Variants in KIAA0513 observed in about 807,000 individuals in gnomAD.
KIAA0513 encodes the protein KIAA0513.
A neutral mutation model predicts 56.5 loss-of-function variants in KIAA0513; 39 were observed. The observed-to-expected ratio is 0.69, with a 90% CI of 0.53 to 0.90. The LOEUF (loss-of-function observed/expected upper bound fraction) is 0.90, where lower values mean the gene tolerates loss of function less well. Ranked by LOEUF, KIAA0513 falls within the 40% of genes least tolerant of loss-of-function variation. The probability of loss-of-function intolerance (pLI) is 0.00; values close to 1 mark genes in which losing one functional copy is unlikely to be tolerated. For synonymous variants in KIAA0513, 268 were observed against 215.6 expected, an observed-to-expected ratio of 1.24 and a Z score of -2.13; for missense variants, 591 against 535.2, an observed-to-expected ratio of 1.10 and a Z score of -1.03.
At chr16:85,078,169 GCCT>G (rs1021169041) in intron 6 of KIAA0513, among the ~76,000 whole-genome samples, 2 of 152,166 alleles carry the variant, frequency 1.3e-5, no homozygotes, top group African/African-American at 4.8e-5. Flanking sequence ...GGGTGCCTTG[GCCT>G]CCTCCTCTAC....
At chr16:85,087,319 C>T (rs1051987358) in intron 12 of KIAA0513, among the ~76,000 whole-genome samples, 153 bp downstream of exon 12, 2 of 152,214 alleles carry the variant, frequency 1.3e-5, no homozygotes, top group African/African-American at 4.8e-5. Flanking sequence ...CCTCCTTTCT[C>T]CCCAGTCTGT....
At chr16:85,060,327 C>T (rs1348195046) in intron 1 of KIAA0513, among the ~76,000 whole-genome samples, 1 of 152,128 alleles carries the variant, frequency 6.6e-6, no homozygotes, top group Non-Finnish European at 1.5e-5. Flanking sequence ...CTTGTTTGGG[C>T]TGCCAGGGAG....
chr16:85,067,675 G>A (rs1001142411), intron 2 of KIAA0513, among the ~76,000 whole-genome samples: 4 of 152,208 alleles, frequency 2.6e-5, no homozygotes, highest in African/African-American at 9.7e-5. Context: ...AAGTATGTGC[G>A]GCTCCCAGGT....
At chr16:85,033,785 C>T (rs1189539180) in intron 1 of KIAA0513, among the ~76,000 whole-genome samples, 1 of 152,132 alleles carries the variant, frequency 6.6e-6, no homozygotes, top group Non-Finnish European at 1.5e-5. Flanking sequence ...CTCAATATGC[C>T]CGTCTTTATT....
chr16:85,072,102 C>T (rs1365676008), intron 3 of KIAA0513, among the ~76,000 whole-genome samples: 1 of 152,122 alleles, frequency 6.6e-6, no homozygotes, highest in African/African-American at 2.4e-5. Flanking sequence ...CCTGTAATCC[C>T]AGCAGTTTGG....
intron 1 of KIAA0513, among the ~76,000 whole-genome samples, chr16:85,060,418 G>T (rs951899261): frequency 6.6e-6 from 1 of 152,194 alleles, no homozygotes; most frequent in African/African-American, 2.4e-5. Context: ...GTGTCTCGGG[G>T]TCCCGGTGCC....
At chr16:85,056,469 C>A (rs2073330887) in intron 1 of KIAA0513, among the ~76,000 whole-genome samples, 1 of 152,184 alleles carries the variant, frequency 6.6e-6, no homozygotes, top group Non-Finnish European at 1.5e-5. Flanking sequence ...ACAGCCCACC[C>A]CACGGGAAAT....
At chr16:85,083,025 C>A (rs1163827118) in intron 10 of KIAA0513, among the ~76,000 whole-genome samples, 3 of 152,234 alleles carry the variant, frequency 2.0e-5, no homozygotes, top group Non-Finnish European at 4.4e-5. Flanking sequence ...AGAAGTGGGT[C>A]CCGGCTCATC....
At chr16:85,084,098 G>T (rs563658779) in intron 10 of KIAA0513, among the ~76,000 whole-genome samples, 2 of 119,418 alleles carry the variant, frequency 1.7e-5, no homozygotes, top group Non-Finnish European at 3.2e-5. Flanking sequence ...GTCTCGCTCT[G>T]TTGCCCAGGC....
intron 1 of KIAA0513, among the ~76,000 whole-genome samples, chr16:85,051,618 C>A (rs1034191996): frequency 6.6e-6 from 1 of 152,180 alleles, no homozygotes; most frequent in Non-Finnish European, 1.5e-5. Flanking sequence ...ATACTCTCTA[C>A]TTCCTCTCAC....
chr16:85,065,160 C>T (rs533211868), intron 1 of KIAA0513, among the ~76,000 whole-genome samples: 14 of 152,268 alleles, frequency 9.2e-5, no homozygotes, highest in African/African-American at 3.4e-4. Context: ...TAATGCCGGG[C>T]ATGTTACTGT....
intron 2 of KIAA0513, 137 bp downstream of exon 2, chr16:85,067,537 C>T (rs540383389): frequency 2.1e-5 from 14 of 681,716 alleles, no homozygotes; most frequent in African/African-American, 1.3e-4. Flanking sequence ...CCAGGGGTGG[C>T]GACTGCAGGG....
chr16:85,073,137 C>T, intron 4 of KIAA0513, 139 bp downstream of exon 4: 1 of 753,588 alleles, frequency 1.3e-6, no homozygotes, highest in Non-Finnish European at 2.4e-6. Flanking sequence ...CTCTGCTACG[C>T]CCAGCATTCA....
chr16:85,078,186 A>G (rs2073687111), intron 6 of KIAA0513, among the ~76,000 whole-genome samples: 1 of 152,158 alleles, frequency 6.6e-6, no homozygotes, highest in Non-Finnish European at 1.5e-5. Context: ...CCTCTACCCC[A>G]TTCAGCTTTG....
intron 10 of KIAA0513, among the ~76,000 whole-genome samples, chr16:85,084,958 G>C (rs2073791801): frequency 6.6e-6 from 1 of 152,352 alleles, no homozygotes; most frequent in Admixed American, 6.5e-5. Context: ...CAGGTTAAAT[G>C]TCCCAGCTTT....
chr16:85,085,111 C>T (rs948806904), intron 10 of KIAA0513, among the ~76,000 whole-genome samples: 10 of 152,216 alleles, frequency 6.6e-5, no homozygotes, highest in African/African-American at 2.4e-4. Flanking sequence ...CAGCTGTGCA[C>T]AGCAGGCCTG....
intron 1 of KIAA0513, among the ~76,000 whole-genome samples, chr16:85,046,986 T>A (rs1365252278): frequency 1.3e-5 from 2 of 152,202 alleles, no homozygotes; most frequent in Non-Finnish European, 2.9e-5. Flanking sequence ...CTTCTTTGTA[T>A]GCTGAGTGGT....
chr16:85,028,211 A>G (rs1257690635), intron 1 of KIAA0513, among the ~76,000 whole-genome samples: 1 of 152,138 alleles, frequency 6.6e-6, no homozygotes, highest in African/African-American at 2.4e-5. Context: ...AGATGGTGGC[A>G]GCAGGTGGCT....
At chr16:85,064,592 A>G (rs906345892) in intron 1 of KIAA0513, among the ~76,000 whole-genome samples, 1 of 152,248 alleles carries the variant, frequency 6.6e-6, no homozygotes, top group Non-Finnish European at 1.5e-5. Flanking sequence ...TTGCTAATTT[A>G]GAAGTATGGG....
Sources: allele counts gnomAD v4.1 joint callset (sites outside exome capture counted in the v4.1 genomes callset), GRCh38; gene constraint gnomAD v4.1.1; transcripts MANE v1.5; gene names NCBI Gene and HGNC (gene_info 2026-07-23, HGNC 2026-07-21).